LYZL4: variants seen among roughly 807,000 people sequenced by gnomAD.
The protein encoded by LYZL4 is lysozyme like 4.
LYZL4 carries 13 observed loss-of-function variants against 17.6 expected under a neutral mutation model. The ratio of observed to expected loss-of-function variants is 0.74; its 90% CI spans 0.48 to 1.18. The LOEUF (loss-of-function observed/expected upper bound fraction) is 1.18. LYZL4 is among the 50% of genes most tolerant of loss of function. The pLI is 0.00. For synonymous variants in LYZL4, 64 were observed against 67.7 expected (o/e 0.95, Z 0.27); for missense variants, 174 against 188.2 (o/e 0.92, Z 0.44).
At chr3:42,403,439 T>A (rs567656696) in intron 4 of LYZL4, among the ~76,000 whole-genome samples, 11 of 152,124 alleles carry the variant, frequency 7.2e-5, no homozygotes, top group South Asian at 6.2e-4. Flanking sequence ...TTATTTTATT[T>A]ATTTATTTAT....
chr3:42,376,054 A>G, the LYZL4 span, among the ~76,000 whole-genome samples: 1 of 152,192 alleles, frequency 6.6e-6, no homozygotes, highest in African/African-American at 2.4e-5. Context: ...TTCATGTGCC[A>G]TCAAAACCAA....
chr3:42,405,495 G>A (rs1698732949), intron 3 of LYZL4, among the ~76,000 whole-genome samples: 1 of 152,102 alleles, frequency 6.6e-6, no homozygotes, highest in Admixed American at 6.6e-5. Context: ...CAATCATGGG[G>A]CCCAACACAG....
chr3:42,395,626 C>T (rs182162497), downstream of LYZL4, among the ~76,000 whole-genome samples: 147 of 152,222 alleles, frequency 9.7e-4, no homozygotes, highest in African/African-American at 3.5e-3. Context: ...TTCTTAATTT[C>T]CTTTTTTATG....
downstream of LYZL4, among the ~76,000 whole-genome samples, chr3:42,396,177 A>C (rs1259822123): frequency 2.0e-5 from 3 of 152,366 alleles, no homozygotes; most frequent in African/African-American, 7.2e-5. Flanking sequence ...TTGAAGAACT[A>C]CAACACCATG....
At chr3:42,403,743 T>C (rs527404347) in intron 4 of LYZL4, among the ~76,000 whole-genome samples, 3 of 152,312 alleles carry the variant, frequency 2.0e-5, no homozygotes, top group African/African-American at 7.2e-5. Context: ...ACTTAAAGGA[T>C]AGAAATAATC....
intron 1 of LYZL4, among the ~76,000 whole-genome samples, chr3:42,408,678 C>T (rs1698808395): frequency 6.6e-6 from 1 of 152,160 alleles, no homozygotes; most frequent in South Asian, 2.1e-4. Context: ...CCTAGCACTC[C>T]ATCGTTATAT....
the LYZL4 span, among the ~76,000 whole-genome samples, chr3:42,366,928 C>T: frequency 6.6e-6 from 1 of 152,204 alleles, no homozygotes. Flanking sequence ...CACCTCTGAT[C>T]TTGTTTCTAG....
chr3:42,392,410 G>A (rs1316469655), downstream of LYZL4, among the ~76,000 whole-genome samples: 2 of 152,210 alleles, frequency 1.3e-5, no homozygotes, highest in Non-Finnish European at 2.9e-5. Context: ...GTTAAAGAGA[G>A]AGGAGAAAGC....
Position 42,397,336 on chromosome 3 carries a change from T to G in LYZL4, c.372-2A>C. 1 of 1,568,682 alleles carries G rather than the reference T, an allele frequency of 6.4e-7. No homozygotes were observed. On this transcript the variant is annotated splice_acceptor_variant, in intron 4 of 4. Transcript: ENST00000287748. LOFTEE classifies it high-confidence loss of function. Reference sequence around the variant, plus strand: ...TGGCAGTACCGGGACCAGGTGGGCCTGTGGAGAGAAGTGAACAGGAAGGGC... The same window carrying G: ...TGGCAGTACCGGGACCAGGTGGGCCGGTGGAGAGAAGTGAACAGGAAGGGC...
In LYZL4 at chr3:42,407,181, C is replaced by A; in HGVS notation, c.71G>T (p.Arg24Leu). ...VVPSGAYILG[R>L]CTVAKKLHDG... is the part of the protein sequence containing the mutation. ...GTGGAGTTTCTTAGCCACTGTGCAA[C>A]GCCCCAAGATGTAAGCACCACTTGG... The change falls in exon 2 of 5, where the codon CGT becomes CTT. Residue 24 changes from arginine (R) to leucine (L), a missense_variant. Coordinates refer to ENST00000287748, the MANE Select transcript of LYZL4 (RefSeq NM_144634.4). 1 of 1,614,146 alleles carries A rather than the reference C, an allele frequency of 6.2e-7. No individual in the cohort carries two copies. The highest frequency in any genetic ancestry group is 8.5e-7 in the Non-Finnish European group (1 of 1,180,026).
the LYZL4 span, among the ~76,000 whole-genome samples, chr3:42,385,519 A>C: frequency 6.6e-6 from 1 of 152,344 alleles, no homozygotes; most frequent in South Asian, 2.1e-4. Flanking sequence ...ACATGATGAC[A>C]AAATTGCCTC....
chr3:42,391,020 C>T, the LYZL4 span, among the ~76,000 whole-genome samples: 2 of 152,140 alleles, frequency 1.3e-5, no homozygotes, highest in African/African-American at 4.8e-5. Context: ...CAACCAGGTT[C>T]TCCGCTACCG....
the LYZL4 span, among the ~76,000 whole-genome samples, chr3:42,361,857 C>T: frequency 6.6e-6 from 1 of 152,250 alleles, no homozygotes; most frequent in Non-Finnish European, 1.5e-5. Context: ...CTCCCACTAT[C>T]AACCTCCCAC....
chr3:42,373,838 A>G, the LYZL4 span, among the ~76,000 whole-genome samples: 1 of 152,180 alleles, frequency 6.6e-6, no homozygotes, highest in Admixed American at 6.5e-5. Flanking sequence ...TTTGAATTTC[A>G]ATGGATTACT....
the LYZL4 span, among the ~76,000 whole-genome samples, chr3:42,374,567 C>T: frequency 2.7e-4 from 41 of 152,090 alleles, no homozygotes; most frequent in South Asian, 2.1e-4. Context: ...GTTACACTTA[C>T]GACTTGGGAG....
the LYZL4 span, among the ~76,000 whole-genome samples, chr3:42,389,813 C>A: frequency 6.6e-6 from 1 of 152,134 alleles, no homozygotes; most frequent in East Asian, 1.9e-4. Flanking sequence ...TTATAGGAAT[C>A]CATAAGCGGG....
At chr3:42,408,372 A>G (rs978329387) in intron 1 of LYZL4, among the ~76,000 whole-genome samples, 2 of 152,052 alleles carry the variant, frequency 1.3e-5, no homozygotes, top group Non-Finnish European at 2.9e-5. Context: ...TCCCCACTCC[A>G]TTCTCCAGGG....
chr3:42,391,393 G>T, the LYZL4 span, among the ~76,000 whole-genome samples: 3 of 152,142 alleles, frequency 2.0e-5, no homozygotes, highest in Non-Finnish European at 2.9e-5. Context: ...AGGAAGAGGA[G>T]GGGACACCAA....
At chr3:42,371,960 A>G in the LYZL4 span, among the ~76,000 whole-genome samples, 4 of 152,200 alleles carry the variant, frequency 2.6e-5, no homozygotes, top group Non-Finnish European at 5.9e-5. Flanking sequence ...GCCAACCTCC[A>G]CAGTCACAAA....
Sources: allele counts gnomAD v4.1 joint callset (sites outside exome capture counted in the v4.1 genomes callset), GRCh38; gene constraint gnomAD v4.1.1; transcripts MANE v1.5; gene names NCBI Gene and HGNC (gene_info 2026-07-23, HGNC 2026-07-21).